Variants in KCNMB4 observed in about 807,000 individuals in gnomAD.
KCNMB4 encodes the protein potassium calcium-activated channel subfamily M regulatory beta subunit 4.
In KCNMB4, 3 loss-of-function variants were observed where a neutral mutation model predicts 20.7. That is an observed-to-expected ratio of 0.14 (90% CI 0.07 to 0.37). The LOEUF is 0.37. KCNMB4 is among the 10% of genes least tolerant of loss of function. KCNMB4 has a pLI of 1.00. For synonymous variants in KCNMB4, 110 were observed against 113.4 expected (o/e 0.97, Z 0.19); for missense variants, 168 against 265.9 (o/e 0.63, Z 2.56).
chr12:70,386,199 A>G (rs1320348279), intron 1 of KCNMB4, among the ~76,000 whole-genome samples: 1 of 152,178 alleles, frequency 6.6e-6, no homozygotes, highest in Non-Finnish European at 1.5e-5. Context: ...AGACAGTCAC[A>G]TACCTCATCT....
intron 1 of KCNMB4, among the ~76,000 whole-genome samples, chr12:70,385,779 A>T (rs1391411525): frequency 2.6e-5 from 4 of 152,212 alleles, no homozygotes; most frequent in Non-Finnish European, 5.9e-5. Context: ...TTGAACTCAT[A>T]GGATGAGATA....
At chr12:70,417,584 C>T (rs1868943986) in intron 2 of KCNMB4, among the ~76,000 whole-genome samples, 1 of 152,190 alleles carries the variant, frequency 6.6e-6, no homozygotes, top group Non-Finnish European at 1.5e-5. Flanking sequence ...ATAGTTGGCA[C>T]AGTCTGTAAA....
chr12:70,375,262 A>G (rs549514020), intron 1 of KCNMB4, among the ~76,000 whole-genome samples: 3 of 152,068 alleles, frequency 2.0e-5, no homozygotes, highest in South Asian at 4.2e-4. Flanking sequence ...TGGCTAGTCT[A>G]TTTCTTCCTC....
chr12:70,400,435 A>G (rs1220746497), intron 2 of KCNMB4, 99 bp downstream of exon 2: 9 of 1,247,350 alleles, frequency 7.2e-6, no homozygotes, highest in Non-Finnish European at 8.8e-6. Context: ...CAGCATGGAG[A>G]TAGCCTCAAC....
intron 2 of KCNMB4, among the ~76,000 whole-genome samples, chr12:70,412,974 A>G (rs1025515368): frequency 5.9e-5 from 9 of 152,206 alleles, no homozygotes; most frequent in Non-Finnish European, 1.0e-4. Flanking sequence ...ATCTTAAAAA[A>G]CAAAACAGTA....
At chr12:70,429,927 C>G (rs1159468686) in intron 2 of KCNMB4, among the ~76,000 whole-genome samples, 3 of 152,086 alleles carry the variant, frequency 2.0e-5, no homozygotes, top group Non-Finnish European at 4.4e-5. Flanking sequence ...ACTCATTCAG[C>G]CATTGTCTGC....
chr12:70,419,670 C>A (rs1472772059), intron 2 of KCNMB4, among the ~76,000 whole-genome samples: 1 of 152,096 alleles, frequency 6.6e-6, no homozygotes, highest in Non-Finnish European at 1.5e-5. Flanking sequence ...TTGCTAGTGA[C>A]ATTGTATCAT....
intron 2 of KCNMB4, among the ~76,000 whole-genome samples, chr12:70,415,556 C>A (rs898732671): frequency 4.6e-5 from 7 of 152,168 alleles, no homozygotes; most frequent in African/African-American, 1.4e-4. Flanking sequence ...TTTTAAAGTG[C>A]GTTGTTGGTG....
chr12:70,398,660 A>G (rs1868381716), intron 1 of KCNMB4, among the ~76,000 whole-genome samples: 1 of 152,246 alleles, frequency 6.6e-6, no homozygotes, highest in South Asian at 2.1e-4. Flanking sequence ...CACTGTGAAA[A>G]TAATGTCATC....
intron 1 of KCNMB4, among the ~76,000 whole-genome samples, chr12:70,384,591 T>C (rs1407325768): frequency 6.6e-6 from 1 of 152,184 alleles, no homozygotes; most frequent in African/African-American, 2.4e-5. Flanking sequence ...CCTGGTATAA[T>C]GGAAAACGCC....
intron 1 of KCNMB4, among the ~76,000 whole-genome samples, chr12:70,394,722 A>C (rs1238948139): frequency 6.6e-6 from 1 of 152,154 alleles, no homozygotes; most frequent in Non-Finnish European, 1.5e-5. Flanking sequence ...GCTGGAGTAC[A>C]GTGGGACGAT....
At chr12:70,411,834 T>C (rs1162700491) in intron 2 of KCNMB4, among the ~76,000 whole-genome samples, 1 of 152,146 alleles carries the variant, frequency 6.6e-6, no homozygotes, top group East Asian at 1.9e-4. Flanking sequence ...GATAATACTG[T>C]GCGTGTATGT....
At chr12:70,408,046 ATAC>A (rs1868660916) in intron 2 of KCNMB4, among the ~76,000 whole-genome samples, 2 of 152,158 alleles carry the variant, frequency 1.3e-5, no homozygotes, top group Admixed American at 1.3e-4. Context: ...TAAGCTCATT[ATAC>A]CTCCTTCAGA....
intron 2 of KCNMB4, among the ~76,000 whole-genome samples, chr12:70,427,410 G>A (rs1869242755): frequency 6.6e-6 from 1 of 152,194 alleles, no homozygotes; most frequent in Non-Finnish European, 1.5e-5. Context: ...GCAGAGAAAT[G>A]ATTTTCCTGT....
chr12:70,399,063 G>A (rs1868390100), intron 1 of KCNMB4, among the ~76,000 whole-genome samples: 1 of 152,178 alleles, frequency 6.6e-6, no homozygotes, highest in Non-Finnish European at 1.5e-5. Flanking sequence ...GATTTGGAGA[G>A]CAAGTACATC....
chr12:70,389,782 G>A (rs577861302), intron 1 of KCNMB4, among the ~76,000 whole-genome samples: 58 of 152,208 alleles, frequency 3.8e-4, no homozygotes, highest in African/African-American at 1.3e-3. Flanking sequence ...TGCACCTTAG[G>A]CCTGCTGCAT....
At chr12:70,409,282 T>C (rs1868701336) in intron 2 of KCNMB4, among the ~76,000 whole-genome samples, 1 of 152,216 alleles carries the variant, frequency 6.6e-6, no homozygotes, top group South Asian at 2.1e-4. Flanking sequence ...ATTCAGGCTC[T>C]CACCTGGCTT....
At chr12:70,394,902 A>G (rs1868338003) in intron 1 of KCNMB4, among the ~76,000 whole-genome samples, 1 of 152,150 alleles carries the variant, frequency 6.6e-6, no homozygotes, top group Admixed American at 6.5e-5. Flanking sequence ...CCTGAGCTCA[A>G]GTGATCCTCC....
chr12:70,410,065 C>A (rs569760189), intron 2 of KCNMB4, among the ~76,000 whole-genome samples: 1 of 152,216 alleles, frequency 6.6e-6, no homozygotes, highest in African/African-American at 2.4e-5. Context: ...TTCTCCTCAC[C>A]TGGGGACACC....
Sources: allele counts gnomAD v4.1 joint callset (sites outside exome capture counted in the v4.1 genomes callset), GRCh38; gene constraint gnomAD v4.1.1; transcripts MANE v1.5; gene names NCBI Gene and HGNC (gene_info 2026-07-23, HGNC 2026-07-21).